ZBTB10: variants seen among roughly 807,000 people sequenced by gnomAD.
The protein encoded by ZBTB10 is zinc finger and BTB domain-containing protein 10.
Under a neutral mutation model 76.4 loss-of-function variants are expected in ZBTB10, and 32 were observed. The observed-to-expected ratio is 0.42, with a 90% CI of 0.32 to 0.56. The LOEUF (loss-of-function observed/expected upper bound fraction) is 0.56, where lower values mean the gene tolerates loss of function less well. ZBTB10 is among the 20% of genes least tolerant of loss of function. ZBTB10 has a pLI of 0.14. For missense variants in ZBTB10, 1,057 were observed against 1,098.5 expected (o/e 0.96, Z 0.53); for synonymous variants, 523 against 432.9 (o/e 1.21, Z -2.58).
At position 80,519,414 on chromosome 8, in the gene ZBTB10, C is replaced by T. The variant is rs558071932; in HGVS notation, c.2502C>T (p.Tyr834=). 55 of 1,612,302 alleles carry T rather than the reference C, an allele frequency of 3.4e-5. No individual in the cohort carries two copies. Among genetic ancestry groups the T allele is most frequent in the South Asian group, 8.8e-5 (8 of 90,774 alleles). Residue 834 remains tyrosine, a synonymous_variant, in exon 6 of 6, where the codon TAC becomes TAT. Transcript: ENST00000455036. ...QDTEFPRDEE[Y]EENEVGEADE... is the part of the protein sequence containing the mutation. ...CAGAATTCCCTCGGGATGAAGAATA[C>T]GAGGAGAATGAAGTAGGAGAAGCTG...
rs1816424165 is a variant in ZBTB10, at chr8:80,520,368, G to A, written c.*840G>A. The A allele has an allele frequency of 6.6e-6, 1 of 152,390 alleles. No homozygotes were observed. The highest frequency in any genetic ancestry group is 1.5e-5 in the Non-Finnish European group (1 of 67,924). 9.4% of individuals were successfully genotyped at this position (152,390 alleles called of 1,614,324 possible). The stretch of plus-strand genomic sequence containing the variant: ...TATGATATTTTCTGACATGGTATTT[G>A]GTTTTGGGTATCTGTTACTTTGGCA... On this transcript the variant is annotated 3_prime_UTR_variant, in exon 6 of 6. Coordinates refer to ENST00000455036, the MANE Select transcript of ZBTB10 (RefSeq NM_001105539.3).
rs1815471216 is a variant in ZBTB10, at chr8:80,486,752, C to G, written c.-59C>G. 9.3e-7 allele frequency: 1 copy of G among 1,076,728 alleles called. No homozygotes were observed. The highest frequency in any genetic ancestry group is 1.1e-6 in the Non-Finnish European group (1 of 889,190). The allele number at this position is 1,076,728 out of a possible 1,614,324, so 66.7% of individuals were successfully genotyped here. ...GGGGAGCCGCGGGGAGCGCGCGGGA[C>G]GCGGCCCGAGGCCGTGCGCGAGCCG... On this transcript the variant is annotated 5_prime_UTR_variant, in exon 1 of 6. Coordinates refer to ENST00000455036, the MANE Select transcript of ZBTB10 (RefSeq NM_001105539.3).
At position 80,508,352 on chromosome 8, in the gene ZBTB10, C is replaced by T. The variant is rs1170604304; in HGVS notation, c.1862-5558C>T. ...GTAAATTTTCATTCAAAGCTTTACT[C>T]TTCAGAAATGTTATAACTTTCTGGG... is the stretch of plus-strand genomic sequence containing the variant. On this transcript the variant is annotated intron_variant, in intron 2 of 5. Transcript: ENST00000455036. 3.3e-5 allele frequency among the ~76,000 whole-genome samples: 5 copies of T among 152,176 alleles called. 1 individual carries two copies. The highest frequency in any genetic ancestry group is 1.3e-4 in the Admixed American group (2 of 15,274).
intron 1 of ZBTB10, among the ~76,000 whole-genome samples, chr8:80,494,611 A>G (rs1469928443): frequency 1.3e-5 from 2 of 151,978 alleles, no homozygotes; most frequent in African/African-American, 2.4e-5. Context: ...TCTGGCATGT[A>G]TGTTGCCCTA....
intron 3 of ZBTB10, among the ~76,000 whole-genome samples, chr8:80,514,729 A>G (rs2131513581): frequency 1.3e-5 from 2 of 152,352 alleles, no homozygotes; most frequent in Middle Eastern, 3.4e-3. Flanking sequence ...TAAATTTACA[A>G]TAAGGAGATC....
rs1815454097 is a variant in ZBTB10 at position 80,486,458 on chromosome 8, C to T, written c.-353C>T. On this transcript the variant is annotated 5_prime_UTR_variant, in exon 1 of 6. Coordinates refer to ENST00000455036, the MANE Select transcript of ZBTB10 (RefSeq NM_001105539.3). Reference sequence around the variant, plus strand: ...GGGGGCAGCGGAGGGTCTCCCCGCACTCCGCTGCTCAACTTCGAAGGCCTC... The same window carrying T: ...GGGGGCAGCGGAGGGTCTCCCCGCATTCCGCTGCTCAACTTCGAAGGCCTC... The T allele has an allele frequency of 8.1e-6, 8 of 985,072 alleles. No individual in the cohort carries two copies. The highest frequency in any genetic ancestry group is 9.4e-5 in the South Asian group (2 of 21,312). The allele number at this position is 985,072 out of a possible 1,614,324, so 61.0% of individuals were successfully genotyped here.
At chr8:80,490,117 T>C (rs1322704781) in intron 1 of ZBTB10, among the ~76,000 whole-genome samples, 1 of 152,222 alleles carries the variant, frequency 6.6e-6, no homozygotes, top group Non-Finnish European at 1.5e-5. Flanking sequence ...AAGCGCCTAC[T>C]TGGGCTTAAG....
upstream of ZBTB10, chr8:80,485,957 C>T: frequency 2.8e-6 from 4 of 1,427,148 alleles, no homozygotes; most frequent in Non-Finnish European, 3.8e-6. Context: ...AGCCCGGCCC[C>T]GGCCGCACAC....
Position 80,519,536 on chromosome 8 carries a change from A to C in ZBTB10, c.*8A>C. On this transcript the variant is annotated 3_prime_UTR_variant, in exon 6 of 6. Coordinates refer to ENST00000455036, the MANE Select transcript of ZBTB10 (RefSeq NM_001105539.3). ...ATGTCTCTAGATGATTAACTGACCTACTATACTCCTCAAGGATGCTGCATT... is the reference window on the plus strand; with the variant it reads ...ATGTCTCTAGATGATTAACTGACCTCCTATACTCCTCAAGGATGCTGCATT... The C allele has an allele frequency of 3.7e-6, 6 of 1,601,544 alleles. No homozygotes were observed. Among genetic ancestry groups the C allele is most frequent in the South Asian group, 1.1e-5 (1 of 88,626 alleles).
intron 1 of ZBTB10, among the ~76,000 whole-genome samples, chr8:80,488,683 A>G (rs2131469053): frequency 6.6e-6 from 1 of 152,356 alleles, no homozygotes; most frequent in Non-Finnish European, 1.5e-5. Flanking sequence ...TCCAGTCTAA[A>G]GATAGTAAGC....
intron 1 of ZBTB10, among the ~76,000 whole-genome samples, chr8:80,491,243 C>T (rs1187460362): frequency 6.6e-6 from 1 of 152,140 alleles, no homozygotes; most frequent in Non-Finnish European, 1.5e-5. Flanking sequence ...TACACAAATA[C>T]TATTGTGTTA....
At chr8:80,512,808 TTG>T (rs1447955094) in intron 2 of ZBTB10, among the ~76,000 whole-genome samples, 3 of 152,148 alleles carry the variant, frequency 2.0e-5, no homozygotes, top group Non-Finnish European at 4.4e-5. Context: ...CTCAAAAAGA[TTG>T]TCAGTATTTT....
At position 80,487,263 on chromosome 8, in the gene ZBTB10, G is replaced by T. The variant is rs1380446801; in HGVS notation, c.453G>T (p.Arg151Ser). 6.4e-7 allele frequency: 1 copy of T among 1,552,282 alleles called. No individual in the cohort carries two copies. Among genetic ancestry groups the T allele is most frequent in the Non-Finnish European group, 8.7e-7 (1 of 1,149,574 alleles). Residue 151 changes from arginine to serine, a missense_variant, in exon 1 of 6, where the codon AGG becomes AGT. Physicochemically the swap from Arg to Ser is moderately radical, Grantham distance 110. This residue lies in a region of ZBTB10 where 556 missense variants were observed against 451.7 expected (regional missense o/e 1.23). Transcript: ENST00000455036. ...CCGAGACCTCGGTGTGGCCCTTGAG[G>T]CATTTCAATGGGCGAGGGCCGGCGA... ...GRPETSVWPL[R>S]HFNGRGPATV...
chr8:80,493,217 A>G (rs879923705), intron 1 of ZBTB10, among the ~76,000 whole-genome samples: 3,536 of 126,392 alleles, frequency 0.028, 65 homozygotes, highest in African/African-American at 0.038. Flanking sequence ...GCACACACAC[A>G]CACACACACA....
chr8:80,485,905 G>A (rs1478456596), upstream of ZBTB10: 2 of 1,533,658 alleles, frequency 1.3e-6, no homozygotes, highest in African/African-American at 1.4e-5. Context: ...CAGCGGGGAG[G>A]CGGCCAGACC....
upstream of ZBTB10, chr8:80,486,181 G>C: frequency 9.9e-7 from 1 of 1,012,718 alleles, no homozygotes; most frequent in Non-Finnish European, 1.2e-6. Context: ...CCCCTCCAGC[G>C]GTTACTGCTA....
intron 2 of ZBTB10, among the ~76,000 whole-genome samples, chr8:80,510,985 A>G (rs1816177751): frequency 6.6e-6 from 1 of 152,168 alleles, no homozygotes; most frequent in African/African-American, 2.4e-5. Context: ...ATTCACATCA[A>G]CATCTCTAAT....
At chr8:80,519,068 C>T (rs1585864479) in intron 5 of ZBTB10, 114 bp downstream of exon 5, 1 of 1,419,970 alleles carries the variant, frequency 7.0e-7, no homozygotes, top group South Asian at 1.5e-5. Flanking sequence ...TCCTAAATTG[C>T]TTTAAACAGT....
rs1816415241 is a variant in ZBTB10 at position 80,519,878 on chromosome 8, A to G, written c.*350A>G. 2 of 173,996 alleles carry G rather than the reference A, an allele frequency of 1.1e-5. No individual in the cohort carries two copies. The highest frequency in any genetic ancestry group is 1.1e-4 in the Admixed American group (2 of 18,334). 10.8% of individuals were successfully genotyped at this position (173,996 alleles called of 1,614,324 possible). A position where few individuals can be genotyped will look rare whatever the true frequency, so the allele number is the denominator to read the frequency against. On this transcript the variant is annotated 3_prime_UTR_variant, in exon 6 of 6. Transcript: ENST00000455036. Reference sequence around the variant, plus strand: ...TGCTACTTTAACATGAATGGAGAAAATCCGTTTATGGAAGTACAGTGACAA... The same window carrying G: ...TGCTACTTTAACATGAATGGAGAAAGTCCGTTTATGGAAGTACAGTGACAA...
Sources: allele counts gnomAD v4.1 joint callset (sites outside exome capture counted in the v4.1 genomes callset), GRCh38; gene constraint gnomAD v4.1.1; regional missense constraint gnomAD v4.1.1; transcripts MANE v1.5; gene names NCBI Gene and HGNC (gene_info 2026-07-23, HGNC 2026-07-21).